PBRM1: variants seen among roughly 807,000 people sequenced by gnomAD.
PBRM1 encodes the protein polybromo 1.
In PBRM1, 27 loss-of-function variants were observed where a neutral mutation model predicts 194.5. The ratio of observed to expected loss-of-function variants is 0.14; its 90% confidence interval spans 0.10 to 0.19. PBRM1 has a LOEUF of 0.19. PBRM1 is among the 10% of genes least tolerant of loss of function. PBRM1 has a pLI of 1.00. For synonymous variants in PBRM1, 655 were observed against 693.2 expected (o/e 0.94, Z 0.87); for missense variants, 1,466 against 2,077.2 (o/e 0.71, Z 5.72).
intron 13 of PBRM1, 38 bp downstream of exon 15, chr3:52,624,859 T>G: frequency 7.3e-7 from 1 of 1,362,736 alleles, no homozygotes; most frequent in South Asian, 1.2e-5. Context: ...GAAGATACAC[T>G]TTAAAAGAAT....
At chr3:52,675,551 G>C (rs2097079487) in intron 2 of PBRM1, among the ~76,000 whole-genome samples, 1 of 152,226 alleles carries the variant, frequency 6.6e-6, no homozygotes, top group Non-Finnish European at 1.5e-5. Context: ...ACAAGGTGTT[G>C]AAGTGGTGAA....
chr3:52,618,980 C>T (rs932658063), intron 13 of PBRM1, among the ~76,000 whole-genome samples: 1 of 152,214 alleles, frequency 6.6e-6, no homozygotes, highest in Non-Finnish European at 1.5e-5. Flanking sequence ...AACTCCCGAC[C>T]TCAGGTGATC....
chr3:52,573,591 G>A (rs762540043), intron 22 of PBRM1, among the ~76,000 whole-genome samples: 4 of 152,190 alleles, frequency 2.6e-5, no homozygotes, highest in African/African-American at 7.2e-5. Flanking sequence ...CACCATGCCC[G>A]GCCAGAATGT....
intron 7 of PBRM1, among the ~76,000 whole-genome samples, chr3:52,645,330 C>CTT (rs556861073): frequency 7.1e-6 from 1 of 141,296 alleles, no homozygotes; most frequent in Admixed American, 7.1e-5. Context: ...TTCTTTCTTT[C>CTT]TTTTTTTTTT....
intron 4 of PBRM1, among the ~76,000 whole-genome samples, chr3:52,659,061 C>T (rs1179350738): frequency 4.6e-5 from 7 of 152,180 alleles, no homozygotes; most frequent in Admixed American, 4.6e-4. Flanking sequence ...TACTTTTAAC[C>T]ACGGGGTGCT....
At chr3:52,593,025 G>A (rs910595593) in intron 17 of PBRM1, among the ~76,000 whole-genome samples, 1 of 152,140 alleles carries the variant, frequency 6.6e-6, no homozygotes, top group African/African-American at 2.4e-5. Flanking sequence ...GTTTCTAATT[G>A]TGTTTACTTG....
rs77324087 is a variant in PBRM1, at chr3:52,633,699, T to C, written c.1301+903A>G. Among the ~76,000 whole-genome samples, 6 of 152,318 alleles carry C rather than the reference T, an allele frequency of 3.9e-5. No homozygotes were observed. In the East Asian group the frequency reaches 1.2e-3, roughly 29 times the overall value. Reference sequence around the variant, plus strand: ...TATTATTACTTTTTTAAAGTAACCATCCTAATGAGTGCAAAGTGGTATCAC... The same window carrying C: ...TATTATTACTTTTTTAAAGTAACCACCCTAATGAGTGCAAAGTGGTATCAC... On this transcript the variant is annotated intron_variant, in intron 11 of 29. Coordinates refer to ENST00000296302, the Ensembl canonical transcript of PBRM1.
At chr3:52,669,238 GA>G (rs11337750) in intron 2 of PBRM1, among the ~76,000 whole-genome samples, 51,819 of 149,504 alleles carry the variant, frequency 0.35, 9,848 homozygotes, top group Admixed American at 0.47. Context: ...AAACTCTTCG[GA>G]AAAAAAAAAC....
intron 12 of PBRM1, among the ~76,000 whole-genome samples, chr3:52,627,796 G>C (rs1274828650): frequency 6.6e-6 from 1 of 152,212 alleles, no homozygotes; most frequent in African/African-American, 2.4e-5. Flanking sequence ...TTCAACACAT[G>C]CATTTTTAAA....
rs763733526 is a variant in PBRM1 at position 52,579,036 on chromosome 3, T to A, written c.3533+18A>T. 7 of 1,613,226 alleles carry A rather than the reference T, an allele frequency of 4.3e-6. No homozygotes were observed. The highest frequency in any genetic ancestry group is 5.9e-6 in the Non-Finnish European group (7 of 1,179,252). On this transcript the variant is annotated intron_variant, in intron 21 of 29. Coordinates refer to ENST00000296302, the Ensembl canonical transcript of PBRM1. ...TTCTCAGATTCAACCTCATCTTCCC[T>A]AATTCAATGACACTCACCTGCCCAC...
chr3:52,639,027 C>T (rs2095954945), intron 10 of PBRM1, among the ~76,000 whole-genome samples: 1 of 146,218 alleles, frequency 6.8e-6, no homozygotes. Flanking sequence ...TCTTGTTGTC[C>T]AGGCTGGAGT....
chr3:52,590,092 T>C (rs1399330435), intron 17 of PBRM1, among the ~76,000 whole-genome samples: 1 of 152,072 alleles, frequency 6.6e-6, no homozygotes, highest in Non-Finnish European at 1.5e-5. Context: ...CCCAAAATGC[T>C]GGGATTATAG....
At chr3:52,578,200 T>A (rs553891915) in intron 21 of PBRM1, among the ~76,000 whole-genome samples, 2 of 152,310 alleles carry the variant, frequency 1.3e-5, no homozygotes, top group Non-Finnish European at 2.9e-5. Flanking sequence ...TGGGACCCCC[T>A]TCTCCCCTTG....
downstream of PBRM1, chr3:52,547,885 A>T: frequency 1.9e-6 from 1 of 519,270 alleles, no homozygotes; most frequent in Non-Finnish European, 3.3e-6. Context: ...AACTTAATAT[A>T]ACAAACAAAT....
At chr3:52,601,661 C>T (rs968285253) in intron 17 of PBRM1, among the ~76,000 whole-genome samples, 13 of 151,952 alleles carry the variant, frequency 8.6e-5, no homozygotes, top group African/African-American at 2.9e-4. Flanking sequence ...GTCAAGGGGG[C>T]CATGCTTTGG....
rs755241328 is a variant in PBRM1, at chr3:52,637,773, C to CAAAAAAAAAAAAAAAAAAAAAAAAAAAAA, written c.1088-2959_1088-2958insTTTTTTTTTTTTTTTTTTTTTTTTTTTTT. Among the ~76,000 whole-genome samples, 36 of 42,228 alleles carry CAAAAAAAAAAAAAAAAAAAAAAAAAAAAA rather than the reference C, an allele frequency of 8.5e-4. 5 individuals carry two copies. The highest frequency in any genetic ancestry group is 1.6e-3 in the East Asian group (2 of 1,266). The allele number at this position is 42,228 out of a possible 152,430, so 27.7% of individuals were successfully genotyped here. A position where few individuals can be genotyped will look rare whatever the true frequency, so the allele number is the denominator to read the frequency against. On this transcript the variant is annotated intron_variant, in intron 10 of 29. Coordinates refer to ENST00000296302, the Ensembl canonical transcript of PBRM1. The stretch of plus-strand genomic sequence containing the variant: ...CAAAACCATGTCTCTACTAAAAATA[C>CAAAAAAAAAAAAAAAAAAAAAAAAAAAAA]AAAAAAAAAAAAAAAAAAAAAAAAT...
At chr3:52,653,744 T>C (rs1471321232) in intron 5 of PBRM1, among the ~76,000 whole-genome samples, 1 of 151,684 alleles carries the variant, frequency 6.6e-6, no homozygotes, top group East Asian at 1.9e-4. Flanking sequence ...ACCCCGTCTC[T>C]ACTAAAAATA....
chr3:52,593,890 A>C (rs779586853), intron 17 of PBRM1, among the ~76,000 whole-genome samples: 1 of 152,206 alleles, frequency 6.6e-6, no homozygotes, highest in Non-Finnish European at 1.5e-5. Flanking sequence ...AATGAGAAGA[A>C]TGCATATTCT....
intron 26 of PBRM1, among the ~76,000 whole-genome samples, chr3:52,557,995 A>AT (rs1276428206): frequency 6.6e-6 from 1 of 152,198 alleles, no homozygotes; most frequent in Non-Finnish European, 1.5e-5. Context: ...GGTGGAGAAC[A>AT]TCACCAGACC....
Sources: gnomAD v4.1 joint callset for allele counts (sites outside exome capture counted in the v4.1 genomes callset) on GRCh38, gnomAD v4.1.1 for gene constraint, MANE v1.5 for transcripts, NCBI Gene and HGNC (gene_info 2026-07-23, HGNC 2026-07-21) for gene names.